PANX1: variants seen among roughly 807,000 people sequenced by gnomAD.
The protein encoded by PANX1 is pannexin 1, also known as pannexin-1.
In PANX1, 30 loss-of-function variants were observed where a neutral mutation model predicts 38.7. The observed-to-expected ratio is 0.78, with a 90% CI of 0.58 to 1.05. The LOEUF (loss-of-function observed/expected upper bound fraction) is 1.05. Ranked by LOEUF, PANX1 falls within the 50% of genes least tolerant of loss-of-function variation. The probability of loss-of-function intolerance (pLI) is 0.00; values close to 1 mark genes in which losing one functional copy is unlikely to be tolerated. For synonymous variants in PANX1, 230 were observed against 212.2 expected (o/e 1.08, Z -0.73); for missense variants, 551 against 517.2 (o/e 1.07, Z -0.63).
chr11:94,173,578 C>A (rs1565384913), intron 2 of PANX1, among the ~76,000 whole-genome samples: 1 of 151,486 alleles, frequency 6.6e-6, no homozygotes, highest in Non-Finnish European at 1.5e-5. Flanking sequence ...CCGGCGTGAT[C>A]CTCAGTTCTT....
At chr11:94,157,487 T>C (rs367730548) in intron 2 of PANX1, among the ~76,000 whole-genome samples, 83 of 152,184 alleles carry the variant, frequency 5.5e-4, no homozygotes, top group African/African-American at 1.9e-3. Flanking sequence ...CTGATGGCCA[T>C]TGATGATGAG....
chr11:94,157,250 G>C (rs7129505), intron 2 of PANX1, among the ~76,000 whole-genome samples: 21,842 of 151,986 alleles, frequency 0.14, 1,566 homozygotes, highest in African/African-American at 0.18. Context: ...CCTAGTAATG[G>C]GATGGCTGGG....
At chr11:94,136,523 G>C (rs1271691636) in intron 1 of PANX1, among the ~76,000 whole-genome samples, 1 of 152,226 alleles carries the variant, frequency 6.6e-6, no homozygotes, top group Non-Finnish European at 1.5e-5. Flanking sequence ...ACTCATGCTT[G>C]TAATCCCAGC....
intron 1 of PANX1, among the ~76,000 whole-genome samples, chr11:94,150,226 C>G (rs899367862): frequency 5.9e-5 from 9 of 152,154 alleles, no homozygotes; most frequent in African/African-American, 2.2e-4. Context: ...CAGGCCTATA[C>G]AAGCCACAGC....
At chr11:94,158,823 T>C (rs1450921026) in intron 2 of PANX1, among the ~76,000 whole-genome samples, 1 of 152,202 alleles carries the variant, frequency 6.6e-6, no homozygotes, top group Non-Finnish European at 1.5e-5. Flanking sequence ...CCCTGTCTTG[T>C]GCCAGTTTTC....
intron 2 of PANX1, among the ~76,000 whole-genome samples, chr11:94,154,228 A>G (rs1304205658): frequency 1.3e-5 from 2 of 152,174 alleles, no homozygotes; most frequent in Admixed American, 6.5e-5. Context: ...AGAGACACCA[A>G]TGTCTGGGTT....
Position 94,171,560 on chromosome 11 carries a change from C to T in PANX1, c.322-6809C>T, listed in dbSNP as rs578071363. Among the ~76,000 whole-genome samples the T allele has an allele frequency of 4.6e-5, 7 of 151,684 alleles. No individual in the cohort carries two copies. In the South Asian group the frequency reaches 1.5e-3, roughly 31 times the overall value. The stretch of plus-strand genomic sequence containing the variant: ...GTCCTGTTCAGAACCAGACTTGGTT[C>T]TCCAGGAGCATCCTGACAAAGGATG... On this transcript the variant is annotated intron_variant, in intron 2 of 4. Transcript: ENST00000227638.
chr11:94,180,686 C>A, intron 4 of PANX1, 104 bp from the exon 5 acceptor site: 1 of 653,890 alleles, frequency 1.5e-6, no homozygotes, highest in Non-Finnish European at 2.7e-6. Flanking sequence ...AGAAGCAAAA[C>A]ATGGTATAGA....
At chr11:94,160,081 T>C (rs1947005411) in intron 2 of PANX1, among the ~76,000 whole-genome samples, 1 of 152,208 alleles carries the variant, frequency 6.6e-6, no homozygotes, top group South Asian at 2.1e-4. Context: ...GATTGCAGTG[T>C]GGTCTGAGAG....
intron 1 of PANX1, among the ~76,000 whole-genome samples, chr11:94,137,542 G>C (rs4753543): frequency 0.56 from 85,108 of 151,418 alleles, 24,642 homozygotes; most frequent in Admixed American, 0.72. Context: ...AACTCTGGGC[G>C]AGGCAGGCCC....
chr11:94,137,159 C>G (rs747233201), intron 1 of PANX1, among the ~76,000 whole-genome samples: 20 of 152,070 alleles, frequency 1.3e-4, no homozygotes, highest in Non-Finnish European at 2.5e-4. Context: ...CAAAAATTAG[C>G]TGGGTGTGGT....
At chr11:94,158,874 C>T (rs1023884754) in intron 2 of PANX1, among the ~76,000 whole-genome samples, 12 of 152,068 alleles carry the variant, frequency 7.9e-5, no homozygotes, top group African/African-American at 1.9e-4. Context: ...AGTATGATAT[C>T]AGCTGTGGGT....
At chr11:94,153,793 G>A (rs1049870220) in intron 2 of PANX1, among the ~76,000 whole-genome samples, 163 bp downstream of exon 2, 1 of 152,236 alleles carries the variant, frequency 6.6e-6, no homozygotes, top group African/African-American at 2.4e-5. Flanking sequence ...CCTCAGAGAT[G>A]ACTTGGTGTA....
At chr11:94,135,221 G>A (rs536002593) in intron 1 of PANX1, among the ~76,000 whole-genome samples, 1 of 152,336 alleles carries the variant, frequency 6.6e-6, no homozygotes, top group African/African-American at 2.4e-5. Context: ...TGACCTCTTA[G>A]TGGGCAGCCA....
chr11:94,166,815 C>T (rs1233927741), intron 2 of PANX1, among the ~76,000 whole-genome samples: 1 of 152,162 alleles, frequency 6.6e-6, no homozygotes, highest in Non-Finnish European at 1.5e-5. Context: ...CCCCAAGCTG[C>T]ACTGCTTGGA....
At chr11:94,153,903 A>G (rs1003594812) in intron 2 of PANX1, among the ~76,000 whole-genome samples, 1 of 152,186 alleles carries the variant, frequency 6.6e-6, no homozygotes. Flanking sequence ...TTATATCATA[A>G]TGCCCAGCAG....
At chr11:94,170,524 C>T (rs1947153592) in intron 2 of PANX1, among the ~76,000 whole-genome samples, 1 of 151,756 alleles carries the variant, frequency 6.6e-6, no homozygotes, top group South Asian at 2.1e-4. Context: ...AACATCTGTT[C>T]GAGTCCTCAC....
intron 2 of PANX1, among the ~76,000 whole-genome samples, chr11:94,159,502 A>G (rs1946995096): frequency 6.6e-6 from 1 of 151,906 alleles, no homozygotes; most frequent in African/African-American, 2.4e-5. Flanking sequence ...GTGTCGAGGA[A>G]TTTATCCATT....
intron 1 of PANX1, among the ~76,000 whole-genome samples, chr11:94,131,860 CA>C (rs56888579): frequency 4.0e-5 from 6 of 151,404 alleles, no homozygotes; most frequent in African/African-American, 1.2e-4. Flanking sequence ...AAAAACAAAC[CA>C]AAAAAAAGAA....
Sources: gnomAD v4.1 joint callset for allele counts (sites outside exome capture counted in the v4.1 genomes callset) on GRCh38, gnomAD v4.1.1 for gene constraint, MANE v1.5 for transcripts, NCBI Gene and HGNC (gene_info 2026-07-23, HGNC 2026-07-21) for gene names.